ZBTB7B: variants seen among roughly 807,000 people sequenced by gnomAD.
ZBTB7B encodes the protein zinc finger and BTB domain-containing protein 7B.
In ZBTB7B, 8 loss-of-function variants were observed where a neutral mutation model predicts 31.0. The observed-to-expected ratio is 0.26, with a 90% CI of 0.15 to 0.47. The LOEUF (loss-of-function observed/expected upper bound fraction) is 0.47, where lower values mean the gene tolerates loss of function less well. ZBTB7B is among the 20% of genes least tolerant of loss of function. ZBTB7B has a pLI of 0.99. For missense variants in ZBTB7B, 494 were observed against 742.4 expected, an observed-to-expected ratio of 0.67 and a Z score of 3.89; for synonymous variants, 261 against 307.3, an observed-to-expected ratio of 0.85 and a Z score of 1.58.
At position 155,016,217 on chromosome 1, in the gene ZBTB7B, C is replaced by T; in HGVS notation, c.1155-3C>T. On this transcript the variant is annotated splice_region_variant and splice_polypyrimidine_tract_variant and intron_variant, in intron 2 of 2. Coordinates refer to ENST00000535420, the MANE Select transcript of ZBTB7B (RefSeq NM_001256455.2). This position sits in a 1 kb window ranked among gnomAD's most constrained non-coding sequence, Gnocchi z 4.3. ...CCCTGCCCCTCACCCCTGCCTGTGC[C>T]AGGAACGACAAGCTGAAGATCCACA... 2 of 1,611,790 alleles carry T rather than the reference C, an allele frequency of 1.2e-6. No individual in the cohort carries two copies. The highest frequency in any genetic ancestry group is 8.5e-7 in the Non-Finnish European group (1 of 1,178,222).
At chr1:155,002,071 T>C (rs1658254235), upstream of ZBTB7B, among the ~76,000 whole-genome samples, 1 of 150,918 alleles carries the variant, frequency 6.6e-6, no homozygotes, top group African/African-American at 2.4e-5. Flanking sequence ...AGGGAGCCCC[T>C]GTAGGGGGTG....
In ZBTB7B at chr1:155,003,677, C is replaced by G. The variant is rs1658383839; in HGVS notation, c.-7+734C>G. ...CGAGGGCGGGTGACTAGGAAGAATT[C>G]TCCTACCTACTACCCGTCCCCCCAC... On this transcript the variant is annotated intron_variant, in intron 1 of 2. Transcript: ENST00000535420. The surrounding 1 kb of genome is among the most constrained non-coding windows in gnomAD (Gnocchi z 5.8). Among the ~76,000 whole-genome samples, 1 of 152,224 alleles carries G rather than the reference C, an allele frequency of 6.6e-6. No homozygotes were observed. The highest frequency in any genetic ancestry group is 6.5e-5 in the Admixed American group (1 of 15,278).
At position 155,015,621 on chromosome 1, in the gene ZBTB7B, C is replaced by G; in HGVS notation, c.961C>G (p.Leu321Val). The change falls in exon 2 of 3, where the codon CTG (leucine) becomes GTG (valine). Residue 321 changes from leucine (L) to valine (V), a missense_variant. Leu to Val is a conservative substitution (Grantham distance 32). Transcript: ENST00000535420. ...DPDLMAYLSSLHQDNLAPGLD... is the reference protein window; with the variant it reads ...DPDLMAYLSSVHQDNLAPGLD... ...TGACCTGATGGCCTACCTAAGCTCC[C>G]TGCACCAGGACAACCTGGCACCAGG... is the stretch of plus-strand genomic sequence containing the variant. 6.2e-7 allele frequency: 1 copy of G among 1,613,712 alleles called. No homozygotes were observed. Among genetic ancestry groups the G allele is most frequent in the Non-Finnish European group, 8.5e-7 (1 of 1,180,012 alleles).
intron 1 of ZBTB7B, among the ~76,000 whole-genome samples, chr1:155,011,520 G>A (rs1571518862): frequency 1.3e-5 from 2 of 152,224 alleles, no homozygotes; most frequent in Non-Finnish European, 1.5e-5. Flanking sequence ...CGGCTTGGCC[G>A]GTCTAGCAGG....
chr1:155,001,906 C>G (rs1431854424), upstream of ZBTB7B, among the ~76,000 whole-genome samples: 1 of 151,954 alleles, frequency 6.6e-6, no homozygotes, highest in Admixed American at 6.5e-5. This position sits in a 1 kb window ranked among gnomAD's most constrained non-coding sequence, Gnocchi z 4.8. Context: ...TCCCCCTCCC[C>G]CTCCCTTCTA....
intron 1 of ZBTB7B, chr1:155,011,064 C>A: frequency 2.1e-6 from 3 of 1,411,572 alleles, no homozygotes; most frequent in South Asian, 1.2e-5. Context: ...GCCTGTGTCC[C>A]AGGCCCATAT....
In ZBTB7B at chr1:155,017,346, CT is replaced by C. The variant is rs1029103847; in HGVS notation, c.*662del. 4.1e-5 allele frequency: 4 copies of C among 98,274 alleles called. No individual in the cohort carries two copies. The highest frequency in any genetic ancestry group is 1.4e-4 in the African/African-American group (4 of 29,544). The allele number at this position is 98,274 out of a possible 1,614,324, so 6.1% of individuals were successfully genotyped here. ...GGTGGCCTGATTGGCTCGCCTGCCC[CT>C]GGGGGCAGTAGAGGGGCCCCGCCCA... On this transcript the variant is annotated 3_prime_UTR_variant, in exon 3 of 3. Coordinates refer to ENST00000535420, the MANE Select transcript of ZBTB7B (RefSeq NM_001256455.2).
rs1040726539 is a variant in ZBTB7B, at chr1:155,017,297, A to C, written c.*612A>C. On this transcript the variant is annotated 3_prime_UTR_variant, in exon 3 of 3. Coordinates refer to ENST00000535420, the MANE Select transcript of ZBTB7B (RefSeq NM_001256455.2). ...TCCGCCCTGCTCCCGGCGCTGAGTCATGGGGTCGTGGAGAAGGGGGCGGGG... is the reference window on the plus strand; with the variant it reads ...TCCGCCCTGCTCCCGGCGCTGAGTCCTGGGGTCGTGGAGAAGGGGGCGGGG... The C allele has an allele frequency of 7.0e-6, 1 of 142,926 alleles. No individual in the cohort carries two copies. Among genetic ancestry groups the C allele is most frequent in the African/African-American group, 2.5e-5 (1 of 40,082 alleles). The allele number at this position is 142,926 out of a possible 1,614,324, so 8.9% of individuals were successfully genotyped here. A position where few individuals can be genotyped will look rare whatever the true frequency, so the allele number is the denominator to read the frequency against.
At chr1:155,006,041 C>T (rs1276012882) in intron 1 of ZBTB7B, among the ~76,000 whole-genome samples, 1 of 152,194 alleles carries the variant, frequency 6.6e-6, no homozygotes, top group African/African-American at 2.4e-5. Context: ...GCATCTGTCC[C>T]AGAGCCCTGG....
chr1:155,007,461 G>A (rs113633900), intron 1 of ZBTB7B, among the ~76,000 whole-genome samples: 230 of 152,334 alleles, frequency 1.5e-3, no homozygotes, highest in African/African-American at 5.2e-3. Flanking sequence ...GGGGAATGCC[G>A]GGAGGTTGGC....
Position 155,003,552 on chromosome 1 carries a change from G to C in ZBTB7B, c.-7+609G>C, listed in dbSNP as rs1052352597. On this transcript the variant is annotated intron_variant, in intron 1 of 2. Transcript: ENST00000535420. This position sits in a 1 kb window ranked among gnomAD's most constrained non-coding sequence, Gnocchi z 5.8. ...AACAACCTCTGAACCGACATAGAAC[G>C]ACCGCTCTCTTCCCTGCCCCTCAAT... Among the ~76,000 whole-genome samples the C allele has an allele frequency of 6.6e-6, 1 of 152,148 alleles. No individual in the cohort carries two copies. The highest frequency in any genetic ancestry group is 2.4e-5 in the African/African-American group (1 of 41,436).
In ZBTB7B at chr1:155,004,513, C is replaced by G. The variant is rs1558083650; in HGVS notation, c.-7+1570C>G. 6.6e-6 allele frequency among the ~76,000 whole-genome samples: 1 copy of G among 152,080 alleles called. No homozygotes were observed. The highest frequency in any genetic ancestry group is 2.4e-5 in the African/African-American group (1 of 41,392). On this transcript the variant is annotated intron_variant, in intron 1 of 2. Coordinates refer to ENST00000535420, the MANE Select transcript of ZBTB7B (RefSeq NM_001256455.2). The surrounding 1 kb of genome is among the most constrained non-coding windows in gnomAD (Gnocchi z 4.0). Reference sequence around the variant, plus strand: ...CACACACACCAACTGGTTTGGTCACCCCTGTACCCGCCTGGCACTGCTGGG... The same window carrying G: ...CACACACACCAACTGGTTTGGTCACGCCTGTACCCGCCTGGCACTGCTGGG...
At position 155,016,255 on chromosome 1, in the gene ZBTB7B, C is replaced by A; in HGVS notation, c.1190C>A (p.Thr397Lys). ...CTGAAGATCCACATGCGGAAGCACA[C>A]GGGAGAGCGCCCCTACTCATGCCCG... ...DKLKIHMRKHTGERPYSCPHC... is the reference protein window; with the variant it reads ...DKLKIHMRKHKGERPYSCPHC... The change falls in exon 3 of 3, where the codon ACG becomes AAG. Residue 397 changes from threonine to lysine, a missense_variant. By Grantham distance (78) the Thr-to-Lys change is moderately conservative. This residue lies in a region of ZBTB7B where 61 missense variants were observed against 170.0 expected (regional missense o/e 0.36). Coordinates refer to ENST00000535420, the MANE Select transcript of ZBTB7B (RefSeq NM_001256455.2). This position sits in a 1 kb window ranked among gnomAD's most constrained non-coding sequence, Gnocchi z 4.3. 1 of 1,613,614 alleles carries A rather than the reference C, an allele frequency of 6.2e-7. No individual in the cohort carries two copies.
rs1659523748 is a variant in ZBTB7B, at chr1:155,017,362, G to GGCGT, written c.*679_*680insGTGC. ...CGCCTGCCCCTGGGGGCAGTAGAGG[G>GGCGT]GCCCCGCCCAGCTAGGGGAGCCGCT... On this transcript the variant is annotated 3_prime_UTR_variant, in exon 3 of 3. Coordinates refer to ENST00000535420, the MANE Select transcript of ZBTB7B (RefSeq NM_001256455.2). 1 of 152,470 alleles carries GGCGT rather than the reference G, an allele frequency of 6.6e-6. No individual in the cohort carries two copies. Among genetic ancestry groups the GGCGT allele is most frequent in the South Asian group, 2.1e-4 (1 of 4,852 alleles). 9.4% of individuals were successfully genotyped at this position (152,470 alleles called of 1,614,324 possible). A position where few individuals can be genotyped will look rare whatever the true frequency, so the allele number is the denominator to read the frequency against.
rs1249045844 is a variant in ZBTB7B, at chr1:155,004,681, A to AG, written c.-7+1743dup. On this transcript the variant is annotated intron_variant, in intron 1 of 2. Coordinates refer to ENST00000535420, the MANE Select transcript of ZBTB7B (RefSeq NM_001256455.2). The surrounding 1 kb of genome is among the most constrained non-coding windows in gnomAD (Gnocchi z 4.0). ...CTTAGTGGTAACTGGGGAGAAGGGT[A>AG]GGGGGCTCCCCCTGGAGCAGCTGAT... is the stretch of plus-strand genomic sequence containing the variant. Among the ~76,000 whole-genome samples, 1 of 152,050 alleles carries AG rather than the reference A, an allele frequency of 6.6e-6. No homozygotes were observed. The highest frequency in any genetic ancestry group is 2.4e-5 in the African/African-American group (1 of 41,374).
intron 1 of ZBTB7B, chr1:155,014,201 C>G: frequency 1.8e-6 from 1 of 550,698 alleles, no homozygotes; most frequent in Non-Finnish European, 2.3e-6. Context: ...AGTACCACCC[C>G]CGGTCCTTCA....
intron 1 of ZBTB7B, chr1:155,011,141 C>A: frequency 1.1e-6 from 1 of 898,702 alleles, no homozygotes; most frequent in East Asian, 2.7e-5. Flanking sequence ...CTCCCCTAAT[C>A]CCCAGGGTGG....
In ZBTB7B at chr1:155,003,894, G is replaced by A. The variant is rs905024508; in HGVS notation, c.-7+951G>A. Among the ~76,000 whole-genome samples, 12 of 152,082 alleles carry A rather than the reference G, an allele frequency of 7.9e-5. No homozygotes were observed. The highest frequency in any genetic ancestry group is 2.9e-4 in the African/African-American group (12 of 41,412). On this transcript the variant is annotated intron_variant, in intron 1 of 2. Coordinates refer to ENST00000535420, the MANE Select transcript of ZBTB7B (RefSeq NM_001256455.2). This position sits in a 1 kb window ranked among gnomAD's most constrained non-coding sequence, Gnocchi z 5.8. ...ACGTGTCCCGGCCAGAGCGAGGTGG[G>A]GGCGGGAGTGGGGGGGCGGCGTGGG...
In ZBTB7B at chr1:155,015,722, C is replaced by T. The variant is rs1371646138; in HGVS notation, c.1062C>T (p.Ile354=). ...MPQECPVCHK[I]IHGAGKLPRH... ...AGGAGTGCCCTGTCTGCCACAAGAT[C>T]ATCCATGGGGCAGGCAAACTGCCTC... The change falls in exon 2 of 3, where the codon ATC becomes ATT. Residue 354 remains isoleucine, a synonymous_variant. Transcript: ENST00000535420. 1 of 1,612,516 alleles carries T rather than the reference C, an allele frequency of 6.2e-7. No homozygotes were observed. Among genetic ancestry groups the T allele is most frequent in the South Asian group, 1.1e-5 (1 of 91,004 alleles).
Sources: gnomAD v4.1 joint callset for allele counts (sites outside exome capture counted in the v4.1 genomes callset) on GRCh38, gnomAD v4.1.1 for gene constraint, gnomAD v4.1.1 regional missense constraint, Gnocchi (gnomAD v3.1) non-coding constraint, MANE v1.5 for transcripts, NCBI Gene and HGNC (gene_info 2026-07-23, HGNC 2026-07-21) for gene names.